CNTN5: variants seen among roughly 807,000 people sequenced by gnomAD.
CNTN5 encodes the protein contactin 5.
In CNTN5, 77 loss-of-function variants were observed where a neutral mutation model predicts 129.1. The ratio of observed to expected loss-of-function variants is 0.60; its 90% confidence interval spans 0.50 to 0.72. The LOEUF (loss-of-function observed/expected upper bound fraction) is 0.72, where lower values mean the gene tolerates loss of function less well. Ranked by LOEUF, CNTN5 falls within the 30% of genes least tolerant of loss-of-function variation. The probability of loss-of-function intolerance (pLI) is 0.00; values close to 1 mark genes in which losing one functional copy is unlikely to be tolerated. For synonymous variants in CNTN5, 509 were observed against 465.6 expected, an observed-to-expected ratio of 1.09 and a Z score of -1.20; for missense variants, 1,478 against 1,328.8, an observed-to-expected ratio of 1.11 and a Z score of -1.75.
chr11:99,756,466 G>T (rs186109866), intron 3 of CNTN5, among the ~76,000 whole-genome samples: 39 of 152,198 alleles, frequency 2.6e-4, no homozygotes, highest in Admixed American at 2.6e-3. Flanking sequence ...AAAGTAAGAA[G>T]AAGTTTCAGG....
At chr11:100,224,385 T>C (rs1949329073) in intron 15 of CNTN5, among the ~76,000 whole-genome samples, 1 of 152,194 alleles carries the variant, frequency 6.6e-6, no homozygotes, top group African/African-American at 2.4e-5. Context: ...GCAACATTTT[T>C]GCTCACGGAT....
intron 1 of CNTN5, among the ~76,000 whole-genome samples, chr11:99,150,101 A>T (rs1425230615): frequency 6.6e-6 from 1 of 152,116 alleles, no homozygotes; most frequent in East Asian, 1.9e-4. Flanking sequence ...TAACCTTATT[A>T]AAAACTTTGT....
At chr11:99,567,005 C>A (rs1949026602) in intron 3 of CNTN5, among the ~76,000 whole-genome samples, 1 of 152,204 alleles carries the variant, frequency 6.6e-6, no homozygotes, top group Admixed American at 6.5e-5. Flanking sequence ...ATATTTATAT[C>A]TTTTCCTTGA....
At chr11:99,870,588 C>G (rs570457479) in intron 6 of CNTN5, among the ~76,000 whole-genome samples, 1 of 152,190 alleles carries the variant, frequency 6.6e-6, no homozygotes, top group South Asian at 2.1e-4. Context: ...TAAGTTTAGT[C>G]AGAAGTAAAC....
At position 100,224,645 on chromosome 11, in the gene CNTN5, T is replaced by C. The variant is rs752907606; in HGVS notation, c.1885-47T>C. The C allele has an allele frequency of 6.3e-6, 10 of 1,578,938 alleles. No individual in the cohort carries two copies. The South Asian group carries it at 8.0e-5, about 13-fold the overall frequency. The stretch of plus-strand genomic sequence containing the variant: ...AGTTCCCCCTTAAGCCACCTTGAAC[T>C]AGGCAGATTTGCAACATTTTAAACT... On this transcript the variant is annotated intron_variant, in intron 15 of 24. Transcript: ENST00000524871.
chr11:100,037,577 G>A (rs1244430050), intron 9 of CNTN5, among the ~76,000 whole-genome samples: 3 of 151,958 alleles, frequency 2.0e-5, no homozygotes, highest in East Asian at 1.9e-4. Context: ...GGTAGAATTC[G>A]GCTGTGAATC....
chr11:99,780,744 A>G (rs1217698413), intron 3 of CNTN5, among the ~76,000 whole-genome samples: 2 of 152,116 alleles, frequency 1.3e-5, no homozygotes, highest in Non-Finnish European at 2.9e-5. Context: ...ATTACGCTTT[A>G]TAAAATTGTG....
chr11:100,016,385 C>G (rs892549150), intron 9 of CNTN5, among the ~76,000 whole-genome samples: 4 of 151,930 alleles, frequency 2.6e-5, no homozygotes, highest in African/African-American at 9.7e-5. Flanking sequence ...ACTTCATATT[C>G]TTTACTTTTA....
At chr11:100,238,509 AG>A (rs1327196005) in intron 16 of CNTN5, among the ~76,000 whole-genome samples, 271 of 140,912 alleles carry the variant, frequency 1.9e-3, no homozygotes, top group Non-Finnish European at 2.6e-3. Context: ...GAGGAGGAGA[AG>A]GGGGAAGAGG....
At chr11:99,546,644 C>A (rs1274701176) in intron 2 of CNTN5, among the ~76,000 whole-genome samples, 1 of 152,052 alleles carries the variant, frequency 6.6e-6, no homozygotes, top group Non-Finnish European at 1.5e-5. Flanking sequence ...TATCAGAGAA[C>A]TTTTGAAATT....
intron 2 of CNTN5, among the ~76,000 whole-genome samples, chr11:99,457,983 C>G (rs1944555627): frequency 6.6e-6 from 1 of 151,816 alleles, no homozygotes; most frequent in Admixed American, 6.6e-5. Flanking sequence ...TTAGAATTTA[C>G]TTTGACCATT....
chr11:99,744,242 CAG>C (rs888262091), intron 3 of CNTN5, among the ~76,000 whole-genome samples: 4 of 151,980 alleles, frequency 2.6e-5, no homozygotes, highest in Admixed American at 6.6e-5. Flanking sequence ...CTCTTTTTCA[CAG>C]AGGAGAGACA....
intron 3 of CNTN5, among the ~76,000 whole-genome samples, chr11:99,652,758 A>G (rs562029812): frequency 6.6e-6 from 1 of 152,200 alleles, no homozygotes; most frequent in Admixed American, 6.6e-5. Context: ...ACTATTATAT[A>G]ATCATTATTT....
At chr11:99,789,437 T>G (rs1348031122) in intron 3 of CNTN5, among the ~76,000 whole-genome samples, 1 of 151,986 alleles carries the variant, frequency 6.6e-6, no homozygotes, top group Admixed American at 6.6e-5. Flanking sequence ...GGAGATAATT[T>G]TTCATGTTAT....
chr11:100,090,604 A>C (rs984356330), intron 13 of CNTN5, among the ~76,000 whole-genome samples: 14 of 139,228 alleles, frequency 1.0e-4, no homozygotes, highest in South Asian at 2.4e-4. Context: ...TCAGAAATTT[A>C]ATTCTCACTG....
intron 4 of CNTN5, among the ~76,000 whole-genome samples, chr11:99,825,219 T>C (rs1471272093): frequency 1.3e-5 from 2 of 152,002 alleles, no homozygotes; most frequent in African/African-American, 4.8e-5. Context: ...TTTAGGATGT[T>C]TTCGCTTTTC....
chr11:99,089,323 T>G (rs572777586), intron 1 of CNTN5, among the ~76,000 whole-genome samples: 2 of 152,322 alleles, frequency 1.3e-5, no homozygotes, highest in South Asian at 4.1e-4. Context: ...TAGTATTTAT[T>G]ATGTCTTGGC....
chr11:100,082,826 C>G (rs1944412965), intron 13 of CNTN5, among the ~76,000 whole-genome samples: 1 of 152,058 alleles, frequency 6.6e-6, no homozygotes, highest in African/African-American at 2.4e-5. Flanking sequence ...ATGCATTTCT[C>G]TTTTGCATCA....
At chr11:100,050,531 C>T (rs1005541216) in intron 9 of CNTN5, among the ~76,000 whole-genome samples, 31 of 151,550 alleles carry the variant, frequency 2.0e-4, no homozygotes, top group East Asian at 5.8e-4. Flanking sequence ...TGCTAAATGA[C>T]GAGTTAATGG....
Sources: gnomAD v4.1 joint callset for allele counts (sites outside exome capture counted in the v4.1 genomes callset) on GRCh38, gnomAD v4.1.1 for gene constraint, MANE v1.5 for transcripts, NCBI Gene and HGNC (gene_info 2026-07-23, HGNC 2026-07-21) for gene names.